The following EPB41L4B variants were observed in gnomAD, a reference collection of about 807,000 sequenced individuals.
EPB41L4B encodes the protein erythrocyte membrane protein band 4.1 like 4B.
Under a neutral mutation model 112.5 loss-of-function variants are expected in EPB41L4B, and 30 were observed. The ratio of observed to expected loss-of-function variants is 0.27; its 90% CI spans 0.20 to 0.36. The LOEUF is 0.36. Ranked by LOEUF, EPB41L4B falls within the 10% of genes least tolerant of loss-of-function variation. The pLI is 1.00. For missense variants in EPB41L4B, 1,024 were observed against 1,133.3 expected (o/e 0.90, Z 1.38); for synonymous variants, 408 against 439.7 (o/e 0.93, Z 0.90).
rs190268050 is a variant in EPB41L4B, at chr9:109,235,012, C to T, written c.1409+8606G>A. On this transcript the variant is annotated intron_variant, in intron 15 of 25. Transcript: ENST00000374566. ...TTAGACAAGGTGGGAATGGAGCAGACGCTCTGTTTCAATTCTCCAAGCCTC... is the reference window on the plus strand; with the variant it reads ...TTAGACAAGGTGGGAATGGAGCAGATGCTCTGTTTCAATTCTCCAAGCCTC... Among the ~76,000 whole-genome samples, 9 of 152,176 alleles carry T rather than the reference C, an allele frequency of 5.9e-5. No homozygotes were observed. In the East Asian group the frequency reaches 9.6e-4, roughly 16 times the overall value.
At chr9:109,242,921 T>G (rs1385696284) in intron 15 of EPB41L4B, among the ~76,000 whole-genome samples, 1 of 151,048 alleles carries the variant, frequency 6.6e-6, no homozygotes, top group South Asian at 2.1e-4. Context: ...CCAGTTGGCT[T>G]AGAAAGGATT....
chr9:109,251,434 C>A (rs201176524), intron 13 of EPB41L4B, 47 bp downstream of exon 13: 2 of 1,571,076 alleles, frequency 1.3e-6, no homozygotes, highest in Non-Finnish European at 8.8e-7. Context: ...CAAATAAATA[C>A]GATCCTTAGA....
At chr9:109,183,964 A>G (rs904316248) in intron 23 of EPB41L4B, among the ~76,000 whole-genome samples, 1 of 152,256 alleles carries the variant, frequency 6.6e-6, no homozygotes, top group Non-Finnish European at 1.5e-5. Flanking sequence ...TGCCACGTGT[A>G]CTGAGATGTC....
chr9:109,319,376 G>C (rs1354945121), intron 1 of EPB41L4B, among the ~76,000 whole-genome samples: 1 of 152,156 alleles, frequency 6.6e-6, no homozygotes, highest in Non-Finnish European at 1.5e-5. Flanking sequence ...CGGTGCCCAA[G>C]GGAGAAAGTC....
chr9:109,279,760 G>T, intron 2 of EPB41L4B, 57 bp downstream of exon 2: 2 of 1,391,592 alleles, frequency 1.4e-6, no homozygotes, highest in Non-Finnish European at 2.0e-6. Context: ...AACTGTGGAC[G>T]TGCAATTAGC....
At chr9:109,223,116 A>G (rs2118867132) in intron 15 of EPB41L4B, among the ~76,000 whole-genome samples, 1 of 152,300 alleles carries the variant, frequency 6.6e-6, no homozygotes, top group Non-Finnish European at 1.5e-5. Flanking sequence ...GGACTGCCAG[A>G]CAACCAAACA....
intron 2 of EPB41L4B, among the ~76,000 whole-genome samples, chr9:109,277,038 C>G (rs2119123017): frequency 6.6e-6 from 1 of 152,164 alleles, no homozygotes; most frequent in Non-Finnish European, 1.5e-5. Flanking sequence ...TAAAGCCTAC[C>G]AAATGAGTCA....
intron 17 of EPB41L4B, among the ~76,000 whole-genome samples, chr9:109,212,307 C>A (rs185912760): frequency 6.6e-6 from 1 of 152,140 alleles, no homozygotes; most frequent in South Asian, 2.1e-4. Context: ...GAAAACCAGG[C>A]GACTAAGAAA....
At chr9:109,268,247 G>A (rs768946798) in intron 3 of EPB41L4B, 144 bp downstream of exon 3, 1 of 765,664 alleles carries the variant, frequency 1.3e-6, no homozygotes, top group African/African-American at 1.8e-5. Context: ...CTAGCCTTAA[G>A]AAATTAAAAA....
intron 2 of EPB41L4B, among the ~76,000 whole-genome samples, chr9:109,278,583 C>T (rs554286758): frequency 6.6e-6 from 1 of 152,256 alleles, no homozygotes; most frequent in Admixed American, 6.5e-5. Context: ...ACAGCCTTAA[C>T]CATTATGGGA....
intron 4 of EPB41L4B, 123 bp downstream of exon 4, chr9:109,267,350 A>C: frequency 1.6e-6 from 1 of 617,982 alleles, no homozygotes. Flanking sequence ...AAAAGTACTA[A>C]TAACTCTTGC....
chr9:109,249,391 T>C (rs1834694541), intron 13 of EPB41L4B, among the ~76,000 whole-genome samples: 2 of 151,902 alleles, frequency 1.3e-5, no homozygotes, highest in East Asian at 1.9e-4. Flanking sequence ...ACAGCAATCC[T>C]ACTCACCCTG....
chr9:109,229,940 C>T (rs1300952192), intron 15 of EPB41L4B, among the ~76,000 whole-genome samples: 1 of 152,160 alleles, frequency 6.6e-6, no homozygotes, highest in African/African-American at 2.4e-5. Flanking sequence ...CCAGTCCATT[C>T]GCCCGGAACT....
At chr9:109,199,665 T>C (rs146659658) in intron 20 of EPB41L4B, among the ~76,000 whole-genome samples, 112 of 152,120 alleles carry the variant, frequency 7.4e-4, no homozygotes, top group Admixed American at 4.4e-3. Context: ...AGACTTTGTC[T>C]CAAAAAGAAA....
At chr9:109,312,844 C>T (rs1837468112) in intron 1 of EPB41L4B, among the ~76,000 whole-genome samples, 1 of 152,108 alleles carries the variant, frequency 6.6e-6, no homozygotes, top group Non-Finnish European at 1.5e-5. Context: ...GCTTTTCTGA[C>T]CCCCATCTTC....
chr9:109,190,831 G>A (rs1465143819), intron 22 of EPB41L4B, among the ~76,000 whole-genome samples: 1 of 152,236 alleles, frequency 6.6e-6, no homozygotes, highest in African/African-American at 2.4e-5. Flanking sequence ...TGTTCCACCT[G>A]ATAGGCTGGG....
At chr9:109,311,147 T>A (rs530578128) in intron 1 of EPB41L4B, among the ~76,000 whole-genome samples, 1 of 152,266 alleles carries the variant, frequency 6.6e-6, no homozygotes, top group Non-Finnish European at 1.5e-5. Context: ...TGAATGTACA[T>A]CATGCCACTT....
At chr9:109,195,317 G>A (rs1331982053) in intron 20 of EPB41L4B, among the ~76,000 whole-genome samples, 2 of 152,230 alleles carry the variant, frequency 1.3e-5, no homozygotes, top group African/African-American at 4.8e-5. Context: ...CCTCAGCCCA[G>A]CACGGGGCCA....
Position 109,320,535 on chromosome 9 carries a change from A to C in EPB41L4B, c.-89T>G. ...CGCCGCCGCCCGGGAGCGTCCCGCG[A>C]CGCCGTCAGTGCCCTCGGCCGCCCG... On this transcript the variant is annotated 5_prime_UTR_variant, in exon 1 of 26. Transcript: ENST00000374566. 1.3e-6 allele frequency: 1 copy of C among 772,698 alleles called. No homozygotes were observed. The highest frequency in any genetic ancestry group is 2.0e-5 in the African/African-American group (1 of 51,084). 47.9% of individuals were successfully genotyped at this position (772,698 alleles called of 1,614,324 possible).
Sources: allele counts gnomAD v4.1 joint callset (sites outside exome capture counted in the v4.1 genomes callset), GRCh38; gene constraint gnomAD v4.1.1; transcripts MANE v1.5; gene names NCBI Gene and HGNC (gene_info 2026-07-23, HGNC 2026-07-21).